MTUS1: variants seen among roughly 807,000 people sequenced by gnomAD.
The protein encoded by MTUS1 is microtubule-associated tumor suppressor 1.
MTUS1 carries 109 observed loss-of-function variants against 120.8 expected under a neutral mutation model. The observed-to-expected ratio is 0.90, with a 90% CI of 0.77 to 1.06. The LOEUF is 1.06. Ranked by LOEUF, MTUS1 falls within the 50% of genes least tolerant of loss-of-function variation. The pLI is 0.00. For missense variants in MTUS1, 2,210 were observed against 1,486.3 expected, an observed-to-expected ratio of 1.49 and a Z score of -8.01; for synonymous variants, 737 against 550.5, an observed-to-expected ratio of 1.34 and a Z score of -4.74.
chr8:17,696,697 G>T, intron 6 of MTUS1, among the ~76,000 whole-genome samples: 1 of 152,174 alleles, frequency 6.6e-6, no homozygotes, highest in South Asian at 2.1e-4. Context: ...AGTATTTTGA[G>T]ACTGCACACA....
intron 5 of MTUS1, among the ~76,000 whole-genome samples, chr8:17,715,461 T>G (rs1014073452): frequency 3.3e-5 from 5 of 152,136 alleles, no homozygotes; most frequent in African/African-American, 1.2e-4. Context: ...TAATCATGCA[T>G]TTCTACTCCT....
chr8:17,752,057 C>T (rs1208703676), intron 2 of MTUS1, among the ~76,000 whole-genome samples: 2 of 152,004 alleles, frequency 1.3e-5, no homozygotes, highest in Non-Finnish European at 2.9e-5. Flanking sequence ...CCATTTCAAC[C>T]TGATGATTCT....
At chr8:17,662,896 A>G (rs1810073448) in intron 8 of MTUS1, among the ~76,000 whole-genome samples, 2 of 152,102 alleles carry the variant, frequency 1.3e-5, no homozygotes, top group South Asian at 4.2e-4. Flanking sequence ...AAGGGGAGGA[A>G]GGAGAAGAAG....
At chr8:17,735,816 A>C (rs1226614613) in intron 3 of MTUS1, among the ~76,000 whole-genome samples, 1 of 152,244 alleles carries the variant, frequency 6.6e-6, no homozygotes, top group Non-Finnish European at 1.5e-5. Flanking sequence ...GAAAATATGA[A>C]AATAACTAAG....
chr8:17,645,992 G>A lies in MTUS1; in HGVS notation c.3747C>T (p.Ser1249=), dbSNP rs12550193. 71,298 of 1,613,436 alleles carry A rather than the reference G, an allele frequency of 0.044. 2,911 individuals carry two copies. The highest frequency in any genetic ancestry group is 0.23 in the East Asian group (10,272 of 44,822). ...LCSPKRSPTS[S]AIPLQSPRNS... Reference sequence around the variant, plus strand: ...TCCTTGGTGACTGCAAAGGGATGGCGGAGGATGTGGGGGATCTCTTGGGGC... The same window carrying A: ...TCCTTGGTGACTGCAAAGGGATGGCAGAGGATGTGGGGGATCTCTTGGGGC... The change falls in exon 15 of 15, where the codon TCC becomes TCT. Residue 1249 remains serine, a synonymous_variant. Coordinates refer to ENST00000693296, the MANE Select transcript of MTUS1 (RefSeq NM_001363059.2).
chr8:17,728,006 CA>C (rs879367439), intron 3 of MTUS1, among the ~76,000 whole-genome samples: 17 of 152,046 alleles, frequency 1.1e-4, no homozygotes, highest in Admixed American at 5.2e-4. Flanking sequence ...TATTTAACAA[CA>C]ATAAAAATCA....
At position 17,656,182 on chromosome 8, in the gene MTUS1, G is replaced by C. The variant is rs944426419; in HGVS notation, c.2906-117C>G. ...TGAAGCATACACCCATGATGTCTTG[G>C]GTCTCTAGTGACCATGTCTTCAAAT... On this transcript the variant is annotated intron_variant, in intron 8 of 14. Transcript: ENST00000693296. The C allele has an allele frequency of 1.0e-5, 9 of 864,744 alleles. No homozygotes were observed. In the Admixed American group the frequency reaches 1.7e-4, roughly 16 times the overall value. The allele number at this position is 864,744 out of a possible 1,614,324, so 53.6% of individuals were successfully genotyped here. A position where few individuals can be genotyped will look rare whatever the true frequency, so the allele number is the denominator to read the frequency against.
chr8:17,758,442 TTTTTACCATATAACTCCTTA>T (rs2048790335), intron 1 of MTUS1, among the ~76,000 whole-genome samples: 1 of 152,256 alleles, frequency 6.6e-6, no homozygotes, highest in African/African-American at 2.4e-5. Flanking sequence ...TTGTGAACCC[TTTTTACCATATAACTCCTTA>T]GTGAAATCAC....
At chr8:17,718,920 A>G (rs536930424) in intron 4 of MTUS1, among the ~76,000 whole-genome samples, 2 of 151,840 alleles carry the variant, frequency 1.3e-5, no homozygotes, top group African/African-American at 4.8e-5. Context: ...CTGTAATCAC[A>G]GAACTTTGGG....
At chr8:17,771,228 A>C (rs2049999657) in intron 1 of MTUS1, among the ~76,000 whole-genome samples, 1 of 152,208 alleles carries the variant, frequency 6.6e-6, no homozygotes, top group Admixed American at 6.5e-5. Flanking sequence ...AGTTCCTGAA[A>C]GATACATACC....
rs372174654 is a variant in MTUS1 at position 17,771,686 on chromosome 8, T to C, written c.-154-15725A>G. Among the ~76,000 whole-genome samples the C allele has an allele frequency of 8.7e-4, 133 of 152,324 alleles. 1 individual carries two copies. Among genetic ancestry groups the C allele is most frequent in the African/African-American group, 3.1e-3 (128 of 41,566 alleles). ...AGTCTACGCATGAAAACAAACCCTATGATAGATTCTCTTGAAATTAAATAC... is the reference window on the plus strand; with the variant it reads ...AGTCTACGCATGAAAACAAACCCTACGATAGATTCTCTTGAAATTAAATAC... On this transcript the variant is annotated intron_variant, in intron 1 of 14. Transcript: ENST00000693296.
At chr8:17,721,693 C>G (rs773939064) in intron 4 of MTUS1, 4 of 1,545,598 alleles carry the variant, frequency 2.6e-6, no homozygotes, top group Non-Finnish European at 3.5e-6. Context: ...AGAAAAGAAA[C>G]CAGAAATCGT....
chr8:17,757,017 C>A (rs761249681), intron 1 of MTUS1, among the ~76,000 whole-genome samples: 5 of 152,152 alleles, frequency 3.3e-5, no homozygotes, highest in Non-Finnish European at 7.3e-5. Context: ...GTACCACATG[C>A]CCCAGCAATT....
intron 1 of MTUS1, among the ~76,000 whole-genome samples, chr8:17,756,679 C>CCCCACCA (rs58787907): frequency 3.9e-4 from 48 of 123,520 alleles, no homozygotes; most frequent in South Asian, 2.0e-3. Context: ...AAACCCCCAC[C>CCCCACCA]CCTTATGTAA....
At chr8:17,701,247 C>T (rs1350748620) in intron 6 of MTUS1, among the ~76,000 whole-genome samples, 5 of 152,132 alleles carry the variant, frequency 3.3e-5, no homozygotes, top group African/African-American at 7.2e-5. Context: ...TTACTCCTCA[C>T]AGTCTTTAAT....
chr8:17,651,806 T>A (rs1807064260), intron 12 of MTUS1: 1 of 152,184 alleles, frequency 6.6e-6, no homozygotes, highest in African/African-American at 2.4e-5. Flanking sequence ...GCGGCTGCAG[T>A]AGAAGAATCC....
At chr8:17,667,331 C>G (rs767004170) in intron 8 of MTUS1, among the ~76,000 whole-genome samples, 3 of 152,164 alleles carry the variant, frequency 2.0e-5, no homozygotes, top group Non-Finnish European at 2.9e-5. Flanking sequence ...TTAAAGCCTA[C>G]TTCAAGAAAA....
At chr8:17,704,683 T>C (rs544659978) in intron 6 of MTUS1, among the ~76,000 whole-genome samples, 11 of 152,262 alleles carry the variant, frequency 7.2e-5, no homozygotes, top group Non-Finnish European at 1.2e-4. Context: ...GTAATATACT[T>C]TAAAATCAGG....
intron 8 of MTUS1, 105 bp from the exon 9 acceptor site, chr8:17,656,170 C>T (rs1196041378): frequency 1.0e-6 from 1 of 994,042 alleles, no homozygotes; most frequent in South Asian, 1.4e-5. Context: ...AGCATACACC[C>T]ATGATGTCTT....
Sources: allele counts gnomAD v4.1 joint callset (sites outside exome capture counted in the v4.1 genomes callset), GRCh38; gene constraint gnomAD v4.1.1; transcripts MANE v1.5; gene names NCBI Gene and HGNC (gene_info 2026-07-23, HGNC 2026-07-21).